Variants in MACROD2 observed in about 807,000 individuals in gnomAD.
The protein encoded by MACROD2 is mono-ADP ribosylhydrolase 2.
A neutral mutation model predicts 70.4 loss-of-function variants in MACROD2; 36 were observed. The observed-to-expected ratio is 0.51, with a 90% CI of 0.39 to 0.68. The LOEUF (loss-of-function observed/expected upper bound fraction) is 0.68. Ranked by LOEUF, MACROD2 falls within the 30% of genes least tolerant of loss-of-function variation. The pLI is 0.00. For missense variants in MACROD2, 496 were observed against 538.4 expected (o/e 0.92, Z 0.78); for synonymous variants, 172 against 178.8 (o/e 0.96, Z 0.30).
chr20:14,565,348 T>TA (rs34426261), intron 4 of MACROD2, among the ~76,000 whole-genome samples: 80,280 of 149,738 alleles, frequency 0.54, 22,908 homozygotes, highest in East Asian at 0.65. Context: ...TATAAAAATG[T>TA]AAAAAAAAAA....
At chr20:15,588,779 T>C (rs1173072373) in intron 8 of MACROD2, among the ~76,000 whole-genome samples, 1 of 152,198 alleles carries the variant, frequency 6.6e-6, no homozygotes, top group Non-Finnish European at 1.5e-5. Context: ...TCAGCCTTTA[T>C]CTTATTGTTC....
chr20:15,979,415 A>G (rs2066361906), intron 13 of MACROD2, among the ~76,000 whole-genome samples: 1 of 152,138 alleles, frequency 6.6e-6, no homozygotes, highest in Admixed American at 6.5e-5. Flanking sequence ...GCCTGTGTCA[A>G]TGTGGTGGGA....
chr20:14,848,394 C>T (rs1185416764), intron 5 of MACROD2, among the ~76,000 whole-genome samples: 2 of 152,136 alleles, frequency 1.3e-5, no homozygotes, highest in African/African-American at 2.4e-5. Flanking sequence ...CTCAAGGCAT[C>T]CTCTGAGTTT....
intron 3 of MACROD2, among the ~76,000 whole-genome samples, chr20:14,343,905 G>C (rs1334758576): frequency 1.3e-5 from 2 of 152,176 alleles, no homozygotes; most frequent in Non-Finnish European, 2.9e-5. Context: ...GGACCAAAGT[G>C]GTCGTCATTT....
At chr20:15,681,825 G>A (rs1452873599) in intron 8 of MACROD2, among the ~76,000 whole-genome samples, 1 of 152,180 alleles carries the variant, frequency 6.6e-6, no homozygotes, top group Non-Finnish European at 1.5e-5. Context: ...AAGGACTCCT[G>A]TTCAATTGCC....
intron 2 of MACROD2, among the ~76,000 whole-genome samples, chr20:14,074,058 A>C (rs2053884526): frequency 6.6e-6 from 1 of 152,080 alleles, no homozygotes. Flanking sequence ...ATCCCCCACC[A>C]TCCCCCAGGC....
chr20:15,238,329 G>T (rs536318039), intron 6 of MACROD2, among the ~76,000 whole-genome samples: 2 of 152,226 alleles, frequency 1.3e-5, no homozygotes, highest in East Asian at 3.9e-4. Flanking sequence ...TGAATGTAAT[G>T]CTTAGCTAAT....
At chr20:15,884,268 G>A (rs2064794902) in intron 9 of MACROD2, among the ~76,000 whole-genome samples, 1 of 152,072 alleles carries the variant, frequency 6.6e-6, no homozygotes, top group Non-Finnish European at 1.5e-5. Flanking sequence ...TGGCACCTAA[G>A]CTTGCACTTG....
At chr20:15,212,018 T>C (rs573032930) in intron 5 of MACROD2, among the ~76,000 whole-genome samples, 1 of 152,338 alleles carries the variant, frequency 6.6e-6, no homozygotes, top group South Asian at 2.1e-4. Flanking sequence ...CTAACACTTA[T>C]TAATATCTGC....
intron 6 of MACROD2, among the ~76,000 whole-genome samples, chr20:15,321,949 T>C (rs1222743883): frequency 7.0e-6 from 1 of 143,130 alleles, no homozygotes; most frequent in Non-Finnish European, 1.6e-5. Context: ...CATGCCACCA[T>C]GCCCAGCTAA....
chr20:14,990,255 T>C (rs548437776), intron 5 of MACROD2, among the ~76,000 whole-genome samples: 2 of 152,202 alleles, frequency 1.3e-5, no homozygotes, highest in African/African-American at 4.8e-5. Context: ...ACACAATAGA[T>C]AAAAAATGTT....
intron 5 of MACROD2, among the ~76,000 whole-genome samples, chr20:14,721,575 A>G (rs946396629): frequency 6.6e-6 from 1 of 152,136 alleles, no homozygotes; most frequent in African/African-American, 2.4e-5. Context: ...CTATTATTTT[A>G]TTGCCTAGGT....
chr20:14,026,039 T>C (rs902139236), intron 2 of MACROD2, among the ~76,000 whole-genome samples: 1 of 152,146 alleles, frequency 6.6e-6, no homozygotes, highest in South Asian at 2.1e-4. Context: ...TGTATTGGGT[T>C]CATATATATT....
At chr20:15,575,580 G>A (rs947440340) in intron 8 of MACROD2, among the ~76,000 whole-genome samples, 3 of 152,062 alleles carry the variant, frequency 2.0e-5, no homozygotes, top group African/African-American at 4.8e-5. Context: ...GAAACCTACT[G>A]GATCATCAGG....
At chr20:14,547,692 C>G (rs1600371086) in intron 4 of MACROD2, 2 of 152,368 alleles carry the variant, frequency 1.3e-5, no homozygotes, top group Non-Finnish European at 2.9e-5. Context: ...ACAAACCACT[C>G]CAAAACTTGG....
At chr20:15,976,851 C>T (rs2066313629) in intron 13 of MACROD2, among the ~76,000 whole-genome samples, 1 of 152,110 alleles carries the variant, frequency 6.6e-6, no homozygotes, top group Admixed American at 6.5e-5. Context: ...GAGAAATATT[C>T]CAAGAGATAT....
At chr20:14,348,731 G>A (rs1346124103) in intron 3 of MACROD2, among the ~76,000 whole-genome samples, 1 of 152,012 alleles carries the variant, frequency 6.6e-6, no homozygotes, top group Non-Finnish European at 1.5e-5. Context: ...GGAATTTTAT[G>A]CTATCAGGAA....
chr20:15,455,300 G>C (rs2046709547), intron 7 of MACROD2, among the ~76,000 whole-genome samples: 1 of 152,130 alleles, frequency 6.6e-6, no homozygotes, highest in African/African-American at 2.4e-5. Context: ...TGTGCATATT[G>C]GTCCTACCTC....
chr20:14,241,115 C>G (rs1193479061), intron 3 of MACROD2, among the ~76,000 whole-genome samples: 1 of 144,338 alleles, frequency 6.9e-6, no homozygotes, highest in Non-Finnish European at 1.5e-5. Context: ...GACTCCGTCT[C>G]AAAAAAAAAA....
Sources: allele counts gnomAD v4.1 joint callset (sites outside exome capture counted in the v4.1 genomes callset), GRCh38; gene constraint gnomAD v4.1.1; transcripts MANE v1.5; gene names NCBI Gene and HGNC (gene_info 2026-07-23, HGNC 2026-07-21).